Variants in GOLGA4 observed in about 807,000 individuals in gnomAD.
GOLGA4 encodes golgin A4, also known as golgin subfamily A member 4.
GOLGA4 carries 169 observed loss-of-function variants against 265.9 expected under a neutral mutation model. That is an observed-to-expected ratio of 0.64 (90% CI 0.56 to 0.72). The LOEUF (loss-of-function observed/expected upper bound fraction) is 0.72, where lower values mean the gene tolerates loss of function less well. GOLGA4 is among the 30% of genes least tolerant of loss of function. The pLI is 0.00. For synonymous variants in GOLGA4, 923 were observed against 855.8 expected (o/e 1.08, Z -1.37); for missense variants, 2,482 against 2,483.4 (o/e 1.00, Z 0.01).
In GOLGA4 at chr3:37,275,648, T is replaced by G. The variant is rs532713256; in HGVS notation, c.163-6310T>G. The G allele has an allele frequency of 4.4e-6, 7 of 1,607,760 alleles. No homozygotes were observed. In the South Asian group the frequency reaches 7.7e-5, roughly 18 times the overall value. On this transcript the variant is annotated intron_variant, in intron 2 of 23. Transcript: ENST00000361924. ...TGTCTTCCGCTCCAGCTTCGCCCAC[T>G]TCCCCTTGCCAGCGGGGTGGGCGCG...
chr3:37,269,594 G>A (rs111592786), intron 2 of GOLGA4, among the ~76,000 whole-genome samples: 3,754 of 152,132 alleles, frequency 0.025, 140 homozygotes, highest in African/African-American at 0.085. Flanking sequence ...TCCAGGAACC[G>A]TATAAAACTT....
chr3:37,307,696 G>A (rs13087555), intron 10 of GOLGA4, among the ~76,000 whole-genome samples: 26,000 of 151,704 alleles, frequency 0.17, 2,902 homozygotes, highest in East Asian at 0.3. Context: ...TAATACGTAC[G>A]TATTTTGGCA....
At chr3:37,359,783 T>C (rs772992987) in intron 22 of GOLGA4, among the ~76,000 whole-genome samples, 2 of 152,186 alleles carry the variant, frequency 1.3e-5, no homozygotes, top group Non-Finnish European at 2.9e-5. Flanking sequence ...TACAAAAGTT[T>C]TCCATTCCCA....
chr3:37,273,490 T>C (rs1486761416), intron 2 of GOLGA4: 2 of 1,028,290 alleles, frequency 1.9e-6, no homozygotes, highest in African/African-American at 1.6e-5. Context: ...TTTAAACCTT[T>C]AGTTTTTTGT....
In GOLGA4 at chr3:37,282,065, A is replaced by G. The variant is rs779233889; in HGVS notation, c.270A>G (p.Lys90=). ...AATCTCTATTCCGGTCTTCTTCTAA[A>G]GAGTCTTTGGTACGAACATCTTCCA... ...IKESLFRSSS[K]ESLVRTSSRE... Residue 90 remains lysine (K), a synonymous_variant, in exon 3 of 24, where the codon AAA becomes AAG. Coordinates refer to ENST00000361924, the MANE Select transcript of GOLGA4 (RefSeq NM_002078.5). The G allele has an allele frequency of 3.5e-5, 57 of 1,614,132 alleles. No individual in the cohort carries two copies. The East Asian group carries it at 1.2e-3, about 33-fold the overall frequency.
intron 2 of GOLGA4, chr3:37,275,908 C>T: frequency 2.0e-5 from 32 of 1,613,622 alleles, no homozygotes; most frequent in Non-Finnish European, 2.6e-5. Flanking sequence ...TCATCAAATC[C>T]TGGAAAAAAT....
chr3:37,340,475 T>A (rs1430931880), intron 20 of GOLGA4, among the ~76,000 whole-genome samples: 1 of 152,146 alleles, frequency 6.6e-6, no homozygotes, highest in South Asian at 2.1e-4. Context: ...TCTACTCTTT[T>A]CACAGTTTTC....
rs1384497957 is a variant in GOLGA4 at position 37,319,222 on chromosome 3, A to G, written c.1545+28A>G. 7 of 1,558,680 alleles carry G rather than the reference A, an allele frequency of 4.5e-6. No individual in the cohort carries two copies. The East Asian group carries it at 6.8e-5, about 15-fold the overall frequency. On this transcript the variant is annotated intron_variant, in intron 12 of 23. Transcript: ENST00000361924. Reference sequence around the variant, plus strand: ...AAGTGACTATTTTTTTTTTTCTGCTATAGGTATACTTCTCAGAGTTACAAA... The same window carrying G: ...AAGTGACTATTTTTTTTTTTCTGCTGTAGGTATACTTCTCAGAGTTACAAA...
intron 2 of GOLGA4, 54 bp from the exon 3 acceptor site, chr3:37,281,904 G>T: frequency 8.2e-7 from 1 of 1,212,556 alleles, no homozygotes; most frequent in South Asian, 1.4e-5. Context: ...TGGGGTAATG[G>T]AAGTCTAAAT....
At chr3:37,270,989 A>T (rs567873005) in intron 2 of GOLGA4, among the ~76,000 whole-genome samples, 1 of 151,956 alleles carries the variant, frequency 6.6e-6, no homozygotes, top group Non-Finnish European at 1.5e-5. Flanking sequence ...ATCATCAGGC[A>T]TTACATTCTC....
Position 37,296,011 on chromosome 3 carries a change from C to T in GOLGA4, c.682-76C>T, listed in dbSNP as rs1021924039. ...ACAGGGAATCCTGGAACCAATCCCC[C>T]ACAGATACCAAGGGACAATTGTACT... On this transcript the variant is annotated intron_variant, in intron 6 of 23. Transcript: ENST00000361924. 4 of 1,326,894 alleles carry T rather than the reference C, an allele frequency of 3.0e-6. No homozygotes were observed. The South Asian group carries it at 4.8e-5, about 16-fold the overall frequency. 82.2% of individuals were successfully genotyped at this position (1,326,894 alleles called of 1,614,324 possible).
intron 23 of GOLGA4, among the ~76,000 whole-genome samples, chr3:37,361,865 T>TAATTG (rs1696299583): frequency 6.6e-6 from 1 of 152,244 alleles, no homozygotes; most frequent in Admixed American, 6.5e-5. Context: ...CAGCCTACTT[T>TAATTG]AATTGAATGT....
chr3:37,324,792 C>A lies in GOLGA4; in HGVS notation c.2906C>A (p.Thr969Lys). Residue 969 changes from threonine (T) to lysine (K), a missense_variant, in exon 14 of 24, where the codon ACG becomes AAG. Coordinates refer to ENST00000361924, the MANE Select transcript of GOLGA4 (RefSeq NM_002078.5). ...CAGAAAGCAAAGGAGATGCAAGAAA[C>A]GTTAAAGAAAAAATTACTGGATCAG... ...VKQKAKEMQE[T>K]LKKKLLDQEA... The A allele has an allele frequency of 6.3e-7, 1 of 1,583,864 alleles. No individual in the cohort carries two copies. The highest frequency in any genetic ancestry group is 8.5e-7 in the Non-Finnish European group (1 of 1,172,474).
At chr3:37,279,063 G>C (rs1459892543) in intron 2 of GOLGA4, among the ~76,000 whole-genome samples, 2 of 152,128 alleles carry the variant, frequency 1.3e-5, no homozygotes, top group African/African-American at 2.4e-5. Context: ...CAAAGACGGG[G>C]GGATGCTTAC....
At chr3:37,243,913 A>C (rs1314034951) in intron 1 of GOLGA4, 1 of 436,496 alleles carries the variant, frequency 2.3e-6, no homozygotes, top group Non-Finnish European at 4.1e-6. Flanking sequence ...CAGAGTCCGA[A>C]CTTGCATGAT....
intron 5 of GOLGA4, 106 bp downstream of exon 5, chr3:37,289,397 A>C (rs765317714): frequency 1.2e-5 from 8 of 679,284 alleles, no homozygotes; most frequent in Non-Finnish European, 2.0e-5. Flanking sequence ...TAGTTATACT[A>C]ATAACTAACC....
chr3:37,306,980 A>G (rs925649754), intron 10 of GOLGA4, among the ~76,000 whole-genome samples: 2 of 152,204 alleles, frequency 1.3e-5, no homozygotes, highest in Non-Finnish European at 2.9e-5. Context: ...TTAAATATAT[A>G]TAGCCATTAA....
chr3:37,295,171 CT>C, intron 6 of GOLGA4, 94 bp downstream of exon 6: 1 of 635,490 alleles, frequency 1.6e-6, no homozygotes, highest in South Asian at 2.6e-5. Flanking sequence ...AAAGTTTTTT[CT>C]TTTTTAAGAC....
intron 2 of GOLGA4, among the ~76,000 whole-genome samples, chr3:37,257,535 A>G (rs1181159801): frequency 6.6e-6 from 1 of 152,022 alleles, no homozygotes; most frequent in African/African-American, 2.4e-5. Context: ...GGTACCTTGC[A>G]CGTAGTAGGT....
Sources: allele counts gnomAD v4.1 joint callset (sites outside exome capture counted in the v4.1 genomes callset), GRCh38; gene constraint gnomAD v4.1.1; transcripts MANE v1.5; gene names NCBI Gene and HGNC (gene_info 2026-07-23, HGNC 2026-07-21).